Variants in ATP7B observed in about 807,000 individuals in gnomAD.
ATP7B encodes copper-transporting ATPase 2.
In ATP7B, 113 loss-of-function variants were observed where a neutral mutation model predicts 118.9. The ratio of observed to expected loss-of-function variants is 0.95; its 90% CI spans 0.82 to 1.11. The LOEUF is 1.11. ATP7B is among the 50% of genes most tolerant of loss of function. ATP7B has a pLI of 0.00. For missense variants in ATP7B, 1,867 were observed against 1,871.4 expected, an observed-to-expected ratio of 1.00 and a Z score of 0.04; for synonymous variants, 777 against 727.4, an observed-to-expected ratio of 1.07 and a Z score of -1.10.
intron 8 of ATP7B, chr13:51,958,085 C>T: frequency 1.7e-6 from 1 of 590,076 alleles, no homozygotes; most frequent in Non-Finnish European, 3.0e-6. Context: ...TTACACAATA[C>T]ACCTGAATGA....
chr13:51,946,344 C>G lies in ATP7B; in HGVS notation c.3000G>C (p.Gly1000=). 1 of 1,611,188 alleles carries G rather than the reference C, an allele frequency of 6.2e-7. No individual in the cohort carries two copies. Among genetic ancestry groups the G allele is most frequent in the South Asian group, 1.1e-5 (1 of 90,604 alleles). ...ATPTAVMVGT[G]VAAQNGILIK... ...TGAGGATGCCGTTCTGCGCGGCCAC[C>G]CCGGTGCCCACCATGACAGCCGTGG... The change falls in exon 13 of 21, where the codon GGG becomes GGC. Residue 1000 remains glycine (G), a synonymous_variant. Coordinates refer to ENST00000242839, the MANE Select transcript of ATP7B (RefSeq NM_000053.4).
intron 2 of ATP7B, among the ~76,000 whole-genome samples, chr13:51,972,455 T>C (rs1288115521): frequency 6.6e-6 from 1 of 152,072 alleles, no homozygotes. Flanking sequence ...TTCAAGGCCC[T>C]TCTATCCCAC....
rs757877698 is a variant in ATP7B at position 51,944,270 on chromosome 13, T to C, written c.3082A>G (p.Lys1028Glu). The change falls in exon 14 of 21, where the codon AAG becomes GAG. Residue 1028 changes from lysine to glutamate, a missense_variant. Lys to Glu is a moderately conservative substitution (Grantham distance 56). Coordinates refer to ENST00000242839, the MANE Select transcript of ATP7B (RefSeq NM_000053.4). ...ACGCCATGGGTAATGGTGCCAGTCT[T>C]GTCAAACATCACAGTCTTTATCTGC... ...AHKIKTVMFD[K>E]TGTITHGVPR... 3 of 1,614,014 alleles carry C rather than the reference T, an allele frequency of 1.9e-6. No homozygotes were observed.
rs1447053529 is a variant in ATP7B, at chr13:51,968,428, C to T, written c.1707+16G>A. On this transcript the variant is annotated intron_variant, in intron 4 of 20. Coordinates refer to ENST00000242839, the MANE Select transcript of ATP7B (RefSeq NM_000053.4). Reference sequence around the variant, plus strand: ...GTCAGAAGCCTGTAACCCCGTAACGCACCCACAGTACTTACTGTCAGCTCA... The same window carrying T: ...GTCAGAAGCCTGTAACCCCGTAACGTACCCACAGTACTTACTGTCAGCTCA... 1 of 1,614,192 alleles carries T rather than the reference C, an allele frequency of 6.2e-7. No homozygotes were observed. The highest frequency in any genetic ancestry group is 1.7e-5 in the Admixed American group (1 of 60,026).
Position 51,977,174 on chromosome 13 carries a change from T to C in ATP7B, c.52-2006A>G, listed in dbSNP as rs143731740. 2.7e-3 allele frequency among the ~76,000 whole-genome samples: 403 copies of C among 151,970 alleles called. 4 individuals are homozygous for C. The highest frequency in any genetic ancestry group is 9.2e-3 in the African/African-American group (383 of 41,480). On this transcript the variant is annotated intron_variant, in intron 1 of 20. Coordinates refer to ENST00000242839, the MANE Select transcript of ATP7B (RefSeq NM_000053.4). ...CAAGACCCTGTCTCTGAAACAATAA[T>C]AATAATTTATTAATTAACCTCAGCT...
At chr13:51,944,316 T>G in intron 13 of ATP7B, 25 bp from the exon 14 acceptor site, 1 of 1,613,246 alleles carries the variant, frequency 6.2e-7, no homozygotes, top group African/African-American at 1.3e-5. Context: ...CACAACTCAC[T>G]GACCACAATA....
chr13:51,974,031 C>T lies in ATP7B; in HGVS notation c.1189G>A (p.Gly397Arg), dbSNP rs765501691. 1.2e-6 allele frequency: 2 copies of T among 1,614,262 alleles called. No individual in the cohort carries two copies. Among genetic ancestry groups the T allele is most frequent in the Non-Finnish European group, 1.7e-6 (2 of 1,180,052 alleles). ...GGATTATAAAGAACTGTTGCAGTCC[C>T]TTCGGCCAAAGACACCGATATTTGC... ...VQQISVSLAE[G>R]TATVLYNPSV... Residue 397 changes from glycine (G) to arginine (R), a missense_variant, in exon 2 of 21, where the codon GGG (glycine) becomes AGG (arginine). Physicochemically the swap from Gly to Arg is moderately radical, Grantham distance 125. Coordinates refer to ENST00000242839, the MANE Select transcript of ATP7B (RefSeq NM_000053.4).
Position 51,974,484 on chromosome 13 carries a change from A to C in ATP7B, c.736T>G (p.Ser246Ala). The C allele has an allele frequency of 6.2e-7, 1 of 1,614,084 alleles. No homozygotes were observed. Among genetic ancestry groups the C allele is most frequent in the Non-Finnish European group, 8.5e-7 (1 of 1,180,024 alleles). The stretch of plus-strand genomic sequence containing the variant: ...CTTCCTTGGTGCCCCAAGGTCTCAG[A>C]ATTATTAAAATTCTGGTTAGCAGAA... ...LSSANQNFNN[S>A]ETLGHQGSHV... is the part of the protein sequence containing the mutation. Residue 246 changes from serine to alanine, a missense_variant, in exon 2 of 21, where the codon TCT becomes GCT. By Grantham distance (99) the Ser-to-Ala change is moderately conservative. Coordinates refer to ENST00000242839, the MANE Select transcript of ATP7B (RefSeq NM_000053.4).
intron 1 of ATP7B, among the ~76,000 whole-genome samples, chr13:51,980,309 G>T (rs2140211622): frequency 6.6e-6 from 1 of 152,236 alleles, no homozygotes; most frequent in South Asian, 2.1e-4. Context: ...GCTTTAGAAT[G>T]ACTTTTTCTA....
intron 13 of ATP7B, among the ~76,000 whole-genome samples, chr13:51,945,116 G>C (rs1388527417): frequency 6.6e-6 from 1 of 152,076 alleles, no homozygotes; most frequent in African/African-American, 2.4e-5. Flanking sequence ...TCTTCCTCCA[G>C]GGATTCTTGC....
At chr13:51,992,979 CAAAAAAAAAAAA>C in intron 1 of ATP7B, among the ~76,000 whole-genome samples, 1 of 62,946 alleles carries the variant, frequency 1.6e-5, no homozygotes, top group African/African-American at 7.4e-5. Flanking sequence ...GACTCTGTCT[CAAAAAAAAAAAA>C]AAAAAAAAAA....
intron 9 of ATP7B, 26 bp downstream of exon 9, chr13:51,957,490 A>G: frequency 6.2e-7 from 1 of 1,600,676 alleles, no homozygotes; most frequent in South Asian, 1.1e-5. Flanking sequence ...TACCAACCAC[A>G]AAGACATTTG....
rs369400229 is a variant in ATP7B at position 51,937,604 on chromosome 13, C to T, written c.3775G>A (p.Gly1259Arg). ...VAKVQELQNK[G>R]KKVAMVGDGV... is the part of the protein sequence containing the mutation. ...TCCCCCACCATGGCGACTTTCTTCC[C>T]TTTATTCTGGAGCTCCTGGACCTTG... Residue 1259 changes from glycine (G) to arginine (R), a missense_variant, in exon 18 of 21, where the codon GGG becomes AGG. Coordinates refer to ENST00000242839, the MANE Select transcript of ATP7B (RefSeq NM_000053.4). 2.5e-6 allele frequency: 4 copies of T among 1,614,156 alleles called. No individual in the cohort carries two copies. The highest frequency in any genetic ancestry group is 3.4e-6 in the Non-Finnish European group (4 of 1,180,058).
chr13:51,944,687 T>C (rs552272969), intron 13 of ATP7B, among the ~76,000 whole-genome samples: 1 of 152,320 alleles, frequency 6.6e-6, no homozygotes, highest in South Asian at 2.1e-4. Context: ...CAACCTCAGC[T>C]TCCTTTTGCC....
chr13:52,002,712 T>C (rs1462421010), intron 1 of ATP7B, among the ~76,000 whole-genome samples: 1 of 147,460 alleles, frequency 6.8e-6, no homozygotes, highest in African/African-American at 2.5e-5. Context: ...CTCAGAGATA[T>C]CCATGGGTTT....
At chr13:51,987,567 A>C (rs927579503) in intron 1 of ATP7B, among the ~76,000 whole-genome samples, 1 of 152,236 alleles carries the variant, frequency 6.6e-6, no homozygotes, top group Non-Finnish European at 1.5e-5. Flanking sequence ...AACTACTTTA[A>C]ATTTCATACG....
At chr13:51,976,120 A>T (rs975423321) in intron 1 of ATP7B, among the ~76,000 whole-genome samples, 1 of 152,252 alleles carries the variant, frequency 6.6e-6, no homozygotes, top group Non-Finnish European at 1.5e-5. Context: ...CCCAGCCTAC[A>T]GCTGTCTTAA....
At chr13:52,009,944 C>T (rs573148711) in intron 1 of ATP7B, among the ~76,000 whole-genome samples, 2 of 152,268 alleles carry the variant, frequency 1.3e-5, no homozygotes, top group South Asian at 4.1e-4. Flanking sequence ...GTGCCTAACA[C>T]AATGCCCAGC....
Position 51,974,964 on chromosome 13 carries a change from T to C in ATP7B, c.256A>G (p.Ile86Val), listed in dbSNP as rs1167152438. 6.2e-6 allele frequency: 10 copies of C among 1,614,108 alleles called. No homozygotes were observed. The highest frequency in any genetic ancestry group is 8.5e-6 in the Non-Finnish European group (10 of 1,180,036). ...TCCAGGGAAACCTTCATGCTGATGA[T>C]GCCTTTCAAATTGGAAATCCTGTCC... is the stretch of plus-strand genomic sequence containing the variant. ...IEDRISNLKGIISMKVSLEQG... is the reference protein window; with the variant it reads ...IEDRISNLKGVISMKVSLEQG... The change falls in exon 2 of 21, where the codon ATC (isoleucine) becomes GTC (valine). Residue 86 changes from isoleucine to valine, a missense_variant. Physicochemically the swap from Ile to Val is conservative, Grantham distance 29. Transcript: ENST00000242839.
Sources: allele counts gnomAD v4.1 joint callset (sites outside exome capture counted in the v4.1 genomes callset), GRCh38; gene constraint gnomAD v4.1.1; transcripts MANE v1.5; gene names NCBI Gene and HGNC (gene_info 2026-07-23, HGNC 2026-07-21).